The following IPO11 variants were observed in gnomAD, a reference collection of about 807,000 sequenced individuals.
IPO11 encodes importin-11.
Under a neutral mutation model 143.2 loss-of-function variants are expected in IPO11, and 66 were observed. That is an observed-to-expected ratio of 0.46 (90% confidence interval 0.38 to 0.57). The LOEUF is 0.57. IPO11 is among the 20% of genes least tolerant of loss of function. The pLI, the probability that IPO11 is intolerant of heterozygous loss-of-function variation, is 0.00. For missense variants in IPO11, 1,026 were observed against 1,141.0 expected (o/e 0.90, Z 1.45); for synonymous variants, 385 against 377.8 (o/e 1.02, Z -0.22).
chr5:62,619,494 G>A (rs1307803818), intron 29 of IPO11, among the ~76,000 whole-genome samples: 1 of 152,048 alleles, frequency 6.6e-6, no homozygotes, highest in East Asian at 1.9e-4. Context: ...TTTATTCCTG[G>A]TAAAATTTCT....
In IPO11 at chr5:62,483,241, T is replaced by C; in HGVS notation, c.969T>C (p.Leu323=). The C allele has an allele frequency of 6.2e-7, 1 of 1,607,296 alleles. No individual in the cohort carries two copies. The highest frequency in any genetic ancestry group is 8.5e-7 in the Non-Finnish European group (1 of 1,177,354). The change falls in exon 10 of 30, where the codon CTT becomes CTC. Residue 323 remains leucine (L), a synonymous_variant. Coordinates refer to ENST00000325324, the MANE Select transcript of IPO11 (RefSeq NM_016338.5). ...FERFIVQCMN[L]IKMIVKNYAY... ...GATTCATTGTCCAATGTATGAATCTTATTAAGATGATTGTCAAAAATTATG... is the reference window on the plus strand; with the variant it reads ...GATTCATTGTCCAATGTATGAATCTCATTAAGATGATTGTCAAAAATTATG...
chr5:62,464,226 T>C (rs1745488253), intron 5 of IPO11, among the ~76,000 whole-genome samples: 1 of 142,388 alleles, frequency 7.0e-6, no homozygotes, highest in African/African-American at 2.6e-5. Flanking sequence ...CTCTGCTCTC[T>C]GCAACTTCTG....
chr5:62,457,353 G>A (rs777041794), intron 5 of IPO11, among the ~76,000 whole-genome samples: 2 of 151,936 alleles, frequency 1.3e-5, no homozygotes, highest in Non-Finnish European at 2.9e-5. Flanking sequence ...GCATGGTGGT[G>A]TATGTATGTC....
chr5:62,482,052 TG>T (rs1746232077), intron 9 of IPO11, among the ~76,000 whole-genome samples: 1 of 152,246 alleles, frequency 6.6e-6, no homozygotes. Flanking sequence ...ATCCATTTCT[TG>T]TAGATTTTCT....
intron 28 of IPO11, among the ~76,000 whole-genome samples, chr5:62,598,083 T>C (rs1745294228): frequency 6.6e-6 from 1 of 152,192 alleles, no homozygotes; most frequent in South Asian, 2.1e-4. Flanking sequence ...GCAATCCTTT[T>C]CTGGAAATCA....
chr5:62,510,646 G>T lies in IPO11; in HGVS notation c.1782+4289G>T, dbSNP rs76439609. On this transcript the variant is annotated intron_variant, in intron 19 of 29. Transcript: ENST00000325324. Reference sequence around the variant, plus strand: ...CTAGCCTCCCACCCCACTGGAATATGTTTGGCTCTCATGTCCCTGCTTTGT... The same window carrying T: ...CTAGCCTCCCACCCCACTGGAATATTTTTGGCTCTCATGTCCCTGCTTTGT... Among the ~76,000 whole-genome samples the T allele has an allele frequency of 7.9e-3, 1,203 of 152,232 alleles. 20 individuals carry two copies. Among genetic ancestry groups the T allele is most frequent in the African/African-American group, 0.027 (1,139 of 41,550 alleles).
At chr5:62,418,946 G>A in intron 1 of IPO11, 2 of 1,516,432 alleles carry the variant, frequency 1.3e-6, no homozygotes, top group African/African-American at 1.4e-5. Context: ...TTAAGGCTGG[G>A]ATACATCCTG....
chr5:62,419,125 A>G (rs1743405213), intron 1 of IPO11: 2 of 1,549,204 alleles, frequency 1.3e-6, no homozygotes, highest in African/African-American at 2.7e-5. Context: ...TTGTCACAAA[A>G]TGGTAAGTAT....
intron 24 of IPO11, among the ~76,000 whole-genome samples, chr5:62,545,398 G>T (rs1044352986): frequency 6.6e-6 from 1 of 152,202 alleles, no homozygotes; most frequent in Admixed American, 6.5e-5. Flanking sequence ...CTAGCCATAT[G>T]TAGAAAGCTG....
intron 5 of IPO11, among the ~76,000 whole-genome samples, chr5:62,460,040 T>A (rs1303769759): frequency 6.6e-6 from 1 of 152,252 alleles, no homozygotes; most frequent in Non-Finnish European, 1.5e-5. Flanking sequence ...TTTCTGACTT[T>A]TTTTGAGCTA....
chr5:62,429,914 C>T (rs771864066), intron 1 of IPO11, among the ~76,000 whole-genome samples: 135 of 152,174 alleles, frequency 8.9e-4, no homozygotes, highest in African/African-American at 2.9e-3. Context: ...TGAGCCACTG[C>T]GCCTGGCCTG....
At position 62,435,128 on chromosome 5, in the gene IPO11, A is replaced by G. The variant is rs371686925; in HGVS notation, c.-6-2146A>G. ...TATATATGTATATATGTATATATGT[A>G]TATATATGTATATATGTATATATGT... On this transcript the variant is annotated intron_variant, in intron 1 of 29. Coordinates refer to ENST00000325324, the MANE Select transcript of IPO11 (RefSeq NM_016338.5). 2.0e-3 allele frequency among the ~76,000 whole-genome samples: 170 copies of G among 86,102 alleles called. 7 individuals are homozygous for G. Among genetic ancestry groups the G allele is most frequent in the African/African-American group, 5.9e-3 (110 of 18,704 alleles). The allele number at this position is 86,102 out of a possible 152,430, so 56.5% of individuals were successfully genotyped here. A position where few individuals can be genotyped will look rare whatever the true frequency, so the allele number is the denominator to read the frequency against.
At chr5:62,541,518 A>G (rs1411564690) in intron 24 of IPO11, among the ~76,000 whole-genome samples, 1 of 15,254 alleles carries the variant, frequency 6.6e-5, no homozygotes, top group Non-Finnish European at 1.3e-4. Flanking sequence ...CGTCTTTACA[A>G]AAAAATACAA....
At chr5:62,531,092 G>A (rs1039949180) in intron 22 of IPO11, among the ~76,000 whole-genome samples, 1 of 152,118 alleles carries the variant, frequency 6.6e-6, no homozygotes, top group African/African-American at 2.4e-5. Flanking sequence ...AGTACTCAAT[G>A]TTTAGCTTCC....
rs752541455 is a variant in IPO11, at chr5:62,451,838, G to A, written c.421G>A (p.Asp141Asn). The change falls in exon 5 of 30, where the codon GAT becomes AAT. Residue 141 changes from aspartate (D) to asparagine (N), a missense_variant. Physicochemically the swap from Asp to Asn is conservative, Grantham distance 23. This residue lies in a region of IPO11 where 429 missense variants were observed against 456.3 expected (regional missense o/e 0.94). Transcript: ENST00000325324. ...TLIESVKVQD[D>N]LRQHRALLTF... ...TATAGAGTCTGTTAAAGTCCAGGAT[G>A]ATCTTCGACAGCACAGAGCATTACT... is the stretch of plus-strand genomic sequence containing the variant. 28 of 1,614,030 alleles carry A rather than the reference G, an allele frequency of 1.7e-5. No individual in the cohort carries two copies. The highest frequency in any genetic ancestry group is 2.0e-5 in the Non-Finnish European group (24 of 1,179,862).
intron 20 of IPO11, among the ~76,000 whole-genome samples, chr5:62,518,874 A>C (rs1742116599): frequency 6.6e-6 from 1 of 152,236 alleles, no homozygotes; most frequent in South Asian, 2.1e-4. Context: ...TGCAATGTGC[A>C]ATACAGGGTA....
At chr5:62,620,402 C>A (rs1746308121) in intron 29 of IPO11, among the ~76,000 whole-genome samples, 2 of 151,822 alleles carry the variant, frequency 1.3e-5, no homozygotes, top group Admixed American at 1.3e-4. Context: ...GCCTGTAGTC[C>A]CAGCTACTCG....
At chr5:62,581,222 C>G in intron 27 of IPO11, 1 of 1,550,130 alleles carries the variant, frequency 6.5e-7, no homozygotes, top group South Asian at 1.2e-5. Context: ...CTAGAAAGTC[C>G]TGGCTTGGAG....
intron 29 of IPO11, among the ~76,000 whole-genome samples, chr5:62,603,847 G>A (rs1018041707): frequency 2.6e-5 from 4 of 152,182 alleles, no homozygotes; most frequent in Non-Finnish European, 4.4e-5. Context: ...ACAACATTTC[G>A]GTCAACAGCA....
Sources: gnomAD v4.1 joint callset for allele counts (sites outside exome capture counted in the v4.1 genomes callset) on GRCh38, gnomAD v4.1.1 for gene constraint, gnomAD v4.1.1 regional missense constraint, MANE v1.5 for transcripts, NCBI Gene and HGNC (gene_info 2026-07-23, HGNC 2026-07-21) for gene names.